The following OXR1 variants were observed in gnomAD, a reference collection of about 807,000 sequenced individuals.
OXR1 encodes oxidation resistance 1, also known as oxidation resistance protein 1.
OXR1 carries 41 observed loss-of-function variants against 104.6 expected under a neutral mutation model. The ratio of observed to expected loss-of-function variants is 0.39; its 90% CI spans 0.31 to 0.51. OXR1 has a LOEUF of 0.51. Ranked by LOEUF, OXR1 falls within the 20% of genes least tolerant of loss-of-function variation. The pLI is 0.77. For synonymous variants in OXR1, 348 were observed against 348.4 expected (o/e 1.00, Z 0.01); for missense variants, 955 against 1,031.9 (o/e 0.93, Z 1.02).
intron 2 of OXR1, among the ~76,000 whole-genome samples, chr8:106,479,810 C>T (rs1436320509): frequency 2.6e-5 from 4 of 152,000 alleles, no homozygotes; most frequent in Middle Eastern, 6.8e-3. Context: ...AAAGTGGAAG[C>T]GGCACTTGGG....
chr8:106,468,493 A>C (rs1357179586), intron 2 of OXR1, among the ~76,000 whole-genome samples: 1 of 151,876 alleles, frequency 6.6e-6, no homozygotes, highest in Non-Finnish European at 1.5e-5. Flanking sequence ...ACTGTAAAGC[A>C]GAAGTAAGCT....
intron 1 of OXR1, among the ~76,000 whole-genome samples, chr8:106,311,762 T>G (rs1304843123): frequency 6.6e-6 from 1 of 152,202 alleles, no homozygotes; most frequent in Non-Finnish European, 1.5e-5. Flanking sequence ...CCTTTTCTGA[T>G]TTCTGTCAAG....
At chr8:106,292,216 A>T (rs1812784102) in intron 1 of OXR1, among the ~76,000 whole-genome samples, 1 of 152,204 alleles carries the variant, frequency 6.6e-6, no homozygotes, top group Non-Finnish European at 1.5e-5. Flanking sequence ...CCAAAGCACA[A>T]GAGTAGTGAT....
At chr8:106,324,536 T>C (rs1166130669) in intron 1 of OXR1, among the ~76,000 whole-genome samples, 1 of 137,984 alleles carries the variant, frequency 7.2e-6, no homozygotes, top group Non-Finnish European at 1.5e-5. Context: ...AAGGAGGTTC[T>C]ATACAAAAAA....
intron 1 of OXR1, among the ~76,000 whole-genome samples, chr8:106,354,202 A>G (rs1815861721): frequency 1.3e-5 from 2 of 152,108 alleles, no homozygotes; most frequent in Non-Finnish European, 2.9e-5. Context: ...GGAAATATCA[A>G]TAAGGTAAGT....
chr8:106,689,342 T>A (rs769490370), intron 6 of OXR1, among the ~76,000 whole-genome samples: 1 of 152,072 alleles, frequency 6.6e-6, no homozygotes, highest in Non-Finnish European at 1.5e-5. Flanking sequence ...CTCTTCTTTA[T>A]ATAAGGAAAA....
rs1817173409 is a variant in OXR1 at position 106,382,150 on chromosome 8, T to A, written c.23+22514T>A. Reference sequence around the variant, plus strand: ...TTTAAGTCCTGGCTCTGCAGCTAACTAGCTCTGTGTCCTTGGTCAAGTCAC... The same window carrying A: ...TTTAAGTCCTGGCTCTGCAGCTAACAAGCTCTGTGTCCTTGGTCAAGTCAC... On this transcript the variant is annotated intron_variant, in intron 2 of 16. Coordinates refer to ENST00000517566, the MANE Select transcript of OXR1 (RefSeq NM_001198533.2). Among the ~76,000 whole-genome samples the A allele has an allele frequency of 3.3e-5, 5 of 152,224 alleles. No homozygotes were observed. The South Asian group carries it at 1.0e-3, about 32-fold the overall frequency.
At chr8:106,682,646 T>C (rs1035964322) in intron 4 of OXR1, 1 of 154,242 alleles carries the variant, frequency 6.5e-6, no homozygotes, top group Non-Finnish European at 1.5e-5. Flanking sequence ...ACATTTTCTT[T>C]TAGGGTAATT....
chr8:106,284,438 A>G (rs1437647200), intron 1 of OXR1, among the ~76,000 whole-genome samples: 1 of 152,118 alleles, frequency 6.6e-6, no homozygotes, highest in African/African-American at 2.4e-5. Flanking sequence ...TGGTGAGGCT[A>G]AGGATTTTGG....
At chr8:106,609,025 A>G (rs1363318002) in intron 3 of OXR1, among the ~76,000 whole-genome samples, 3 of 152,170 alleles carry the variant, frequency 2.0e-5, no homozygotes, top group African/African-American at 7.2e-5. Flanking sequence ...TCACTCCACC[A>G]TATGCTTTCC....
intron 2 of OXR1, among the ~76,000 whole-genome samples, chr8:106,388,875 A>G (rs1817488047): frequency 1.3e-5 from 2 of 152,220 alleles, no homozygotes; most frequent in South Asian, 4.1e-4. Flanking sequence ...TTTGAGCTTC[A>G]GTAGACGTCC....
At chr8:106,673,698 T>C (rs1453272858) in intron 3 of OXR1, among the ~76,000 whole-genome samples, 1 of 151,820 alleles carries the variant, frequency 6.6e-6, no homozygotes, top group Non-Finnish European at 1.5e-5. Flanking sequence ...AAGAAAAAAA[T>C]GGTTTCATGG....
At chr8:106,736,630 A>G (rs779195742) in intron 11 of OXR1, among the ~76,000 whole-genome samples, 2 of 152,214 alleles carry the variant, frequency 1.3e-5, no homozygotes, top group African/African-American at 2.4e-5. Context: ...AAAAGCTGTA[A>G]CTATTATGTC....
At position 106,704,393 on chromosome 8, in the gene OXR1, C is replaced by T. The variant is rs147388804; in HGVS notation, c.860+1303C>T. On this transcript the variant is annotated intron_variant, in intron 8 of 16. Transcript: ENST00000517566. ...TTTTTCTTTTTCTTTCTTTCTTCTT[C>T]TTTTTTTTTTTTTTTTTTTTTTTTT... Among the ~76,000 whole-genome samples the T allele has an allele frequency of 5.7e-3, 275 of 47,884 alleles. 4 individuals carry two copies. The highest frequency in any genetic ancestry group is 0.017 in the Middle Eastern group (1 of 60). 31.4% of individuals were successfully genotyped at this position (47,884 alleles called of 152,430 possible).
chr8:106,364,350 C>T (rs528585882), intron 2 of OXR1, among the ~76,000 whole-genome samples: 3 of 152,152 alleles, frequency 2.0e-5, no homozygotes, highest in East Asian at 1.9e-4. Context: ...GAGGCCGAGG[C>T]GGGTGGATCA....
At chr8:106,521,807 C>T (rs112176880) in intron 3 of OXR1, among the ~76,000 whole-genome samples, 285 of 152,266 alleles carry the variant, frequency 1.9e-3, no homozygotes, top group South Asian at 9.7e-3. Flanking sequence ...CCACTACTCC[C>T]GGCCAGCTGG....
intron 2 of OXR1, among the ~76,000 whole-genome samples, chr8:106,442,566 G>GTACTACTAA (rs1819833315): frequency 6.6e-6 from 1 of 151,954 alleles, no homozygotes; most frequent in Non-Finnish European, 1.5e-5. Context: ...TTCGTTGGTA[G>GTACTACTAA]GCTATTAATT....
chr8:106,633,347 T>C (rs1004740031), intron 3 of OXR1, among the ~76,000 whole-genome samples: 1 of 152,222 alleles, frequency 6.6e-6, no homozygotes, highest in Non-Finnish European at 1.5e-5. Context: ...TCTGCTGTTA[T>C]TATATGGCCG....
In OXR1 at chr8:106,600,469, G is replaced by A. The variant is rs371775755; in HGVS notation, c.221-78741G>A. ...TCTGTTTGAGCAATTCCAGTTGCAA[G>A]AATTTTGGGGGACTGTCAAGTCCTT... On this transcript the variant is annotated intron_variant, in intron 3 of 16. Transcript: ENST00000517566. Among the ~76,000 whole-genome samples, 17 of 152,288 alleles carry A rather than the reference G, an allele frequency of 1.1e-4. No individual in the cohort carries two copies. The East Asian group carries it at 2.9e-3, about 26-fold the overall frequency.
Sources: allele counts gnomAD v4.1 joint callset (sites outside exome capture counted in the v4.1 genomes callset), GRCh38; gene constraint gnomAD v4.1.1; transcripts MANE v1.5; gene names NCBI Gene and HGNC (gene_info 2026-07-23, HGNC 2026-07-21).